SORCS3: variants seen among roughly 807,000 people sequenced by gnomAD.
The protein encoded by SORCS3 is sortilin related VPS10 domain containing receptor 3, also known as VPS10 domain-containing receptor SorCS3.
A neutral mutation model predicts 146.3 loss-of-function variants in SORCS3; 57 were observed. That is an observed-to-expected ratio of 0.39 (90% confidence interval 0.31 to 0.49). The LOEUF (loss-of-function observed/expected upper bound fraction) is 0.49. Ranked by LOEUF, SORCS3 falls within the 20% of genes least tolerant of loss-of-function variation. SORCS3 has a pLI of 0.92. For missense variants in SORCS3, 1,341 were observed against 1,575.5 expected (o/e 0.85, Z 2.52); for synonymous variants, 653 against 618.5 (o/e 1.06, Z -0.83).
intron 2 of SORCS3, among the ~76,000 whole-genome samples, chr10:104,890,832 AT>A (rs2133582816): frequency 6.6e-6 from 1 of 152,328 alleles, no homozygotes; most frequent in South Asian, 2.1e-4. Context: ...ACAATTAAAC[AT>A]TTCTCCAGAT....
At chr10:105,019,060 C>T (rs1399353455) in intron 4 of SORCS3, among the ~76,000 whole-genome samples, 1 of 152,070 alleles carries the variant, frequency 6.6e-6, no homozygotes, top group Non-Finnish European at 1.5e-5. Context: ...TTGTTATCAC[C>T]TCATTTTTTA....
chr10:105,230,465 G>A (rs538878980), intron 20 of SORCS3, among the ~76,000 whole-genome samples: 48 of 152,244 alleles, frequency 3.2e-4, no homozygotes, highest in Non-Finnish European at 5.4e-4. Flanking sequence ...CTTAGCCTAG[G>A]TGGCAGAAGC....
chr10:105,185,318 T>C (rs1355111397), intron 14 of SORCS3, among the ~76,000 whole-genome samples: 1 of 152,152 alleles, frequency 6.6e-6, no homozygotes, highest in Non-Finnish European at 1.5e-5. Context: ...CTTTTTCCAA[T>C]GGAGCCCACA....
intron 1 of SORCS3, among the ~76,000 whole-genome samples, chr10:104,643,765 G>A (rs1423769909): frequency 6.6e-6 from 1 of 150,448 alleles, no homozygotes; most frequent in African/African-American, 2.5e-5. Flanking sequence ...TACTTGGTGA[G>A]GAGGATGGAT....
chr10:104,761,154 G>A (rs533126470), intron 1 of SORCS3, among the ~76,000 whole-genome samples: 6 of 152,104 alleles, frequency 3.9e-5, no homozygotes, highest in Non-Finnish European at 8.8e-5. Context: ...ATGATTTCCT[G>A]TGACCTCCCA....
intron 4 of SORCS3, among the ~76,000 whole-genome samples, chr10:105,025,880 A>ACACACACACC (rs1554870035): frequency 1.3e-5 from 2 of 148,456 alleles, no homozygotes; most frequent in East Asian, 2.0e-4. Flanking sequence ...ACACACACAC[A>ACACACACACC]CCTGAAGAAC....
intron 3 of SORCS3, among the ~76,000 whole-genome samples, chr10:104,935,945 G>A (rs539018297): frequency 6.6e-6 from 1 of 152,158 alleles, no homozygotes; most frequent in Non-Finnish European, 1.5e-5. Context: ...CAGGGCTCAG[G>A]AGTTGAGATT....
chr10:105,116,313 C>G (rs937048731), intron 7 of SORCS3, among the ~76,000 whole-genome samples: 2 of 152,130 alleles, frequency 1.3e-5, no homozygotes, highest in African/African-American at 4.8e-5. Context: ...CTGATTTATT[C>G]CCAAGTAGGA....
At chr10:104,651,152 T>A (rs1297069911) in intron 1 of SORCS3, among the ~76,000 whole-genome samples, 1 of 152,184 alleles carries the variant, frequency 6.6e-6, no homozygotes, top group Non-Finnish European at 1.5e-5. Context: ...GAGGAGGGTA[T>A]CCTTAGTGGT....
chr10:105,215,821 G>A (rs1400029933), intron 18 of SORCS3, among the ~76,000 whole-genome samples: 3 of 152,180 alleles, frequency 2.0e-5, no homozygotes, highest in African/African-American at 7.2e-5. Context: ...CATTCACTGG[G>A]CAGAAGGATT....
At chr10:105,084,169 A>G (rs1247738683) in intron 5 of SORCS3, among the ~76,000 whole-genome samples, 3 of 152,230 alleles carry the variant, frequency 2.0e-5, no homozygotes, top group Non-Finnish European at 4.4e-5. Flanking sequence ...CACATAGTGT[A>G]CTCTCAATAT....
chr10:105,155,618 A>C (rs2056201856), intron 9 of SORCS3, among the ~76,000 whole-genome samples: 1 of 152,138 alleles, frequency 6.6e-6, no homozygotes, highest in Admixed American at 6.5e-5. Context: ...TTAAAGACTG[A>C]GGTGATCTGA....
intron 12 of SORCS3, 121 bp downstream of exon 12, chr10:105,164,500 G>T: frequency 2.5e-6 from 2 of 795,474 alleles, no homozygotes; most frequent in Non-Finnish European, 4.2e-6. Context: ...ATTTGAAGCA[G>T]CTGTTCAGTT....
At chr10:105,259,742 T>C (rs904860860) in intron 25 of SORCS3, among the ~76,000 whole-genome samples, 53 of 152,302 alleles carry the variant, frequency 3.5e-4, no homozygotes, top group African/African-American at 1.2e-3. Context: ...TTAGGAGGGC[T>C]TTCCTTATAG....
At chr10:105,131,675 G>C (rs1171487422) in intron 7 of SORCS3, among the ~76,000 whole-genome samples, 3 of 152,124 alleles carry the variant, frequency 2.0e-5, no homozygotes, top group Non-Finnish European at 4.4e-5. Context: ...TTTGCAGGCT[G>C]TATGGGAAGC....
chr10:104,683,956 GCTCT>G, intron 1 of SORCS3, among the ~76,000 whole-genome samples: 1 of 152,306 alleles, frequency 6.6e-6, no homozygotes, highest in Middle Eastern at 3.4e-3. Flanking sequence ...AGCCTGCAAA[GCTCT>G]CTAATAGGGG....
chr10:104,924,801 C>T (rs968209134), intron 3 of SORCS3, among the ~76,000 whole-genome samples: 11 of 152,158 alleles, frequency 7.2e-5, no homozygotes, highest in African/African-American at 2.2e-4. Context: ...GCATAACTAG[C>T]ATGTTAGATA....
chr10:105,180,100 G>A (rs1285222957), intron 14 of SORCS3, among the ~76,000 whole-genome samples: 3 of 152,164 alleles, frequency 2.0e-5, no homozygotes, highest in Non-Finnish European at 4.4e-5. Context: ...TAGAACTTAG[G>A]AGATTTTATA....
At chr10:104,904,865 T>G (rs1279359467) in intron 2 of SORCS3, among the ~76,000 whole-genome samples, 1 of 152,002 alleles carries the variant, frequency 6.6e-6, no homozygotes, top group Non-Finnish European at 1.5e-5. Context: ...GGGTGTGACA[T>G]TCCTTTTATC....
Sources: allele counts gnomAD v4.1 joint callset (sites outside exome capture counted in the v4.1 genomes callset), GRCh38; gene constraint gnomAD v4.1.1; transcripts MANE v1.5; gene names NCBI Gene and HGNC (gene_info 2026-07-23, HGNC 2026-07-21).